Variants in SAXO5 observed in about 807,000 individuals in gnomAD.
The protein encoded by SAXO5 is stabilizer of axonemal microtubules 5, also known as testis expressed 45.
the SAXO5 span, chr19:7,499,860 C>G: frequency 6.6e-6 from 1 of 151,698 alleles, no homozygotes; most frequent in Non-Finnish European, 1.5e-5. Context: ...ACCTATAGTC[C>G]CAGATGCTCA....
chr19:7,508,368 A>C, the SAXO5 span: 1 of 1,613,746 alleles, frequency 6.2e-7, no homozygotes, highest in Non-Finnish European at 8.5e-7. Context: ...GCGCGGCTGC[A>C]GGGAGAAGAT....
the SAXO5 span, among the ~76,000 whole-genome samples, chr19:7,498,180 C>CACACAT: frequency 6.8e-3 from 1,005 of 147,614 alleles, 9 homozygotes; most frequent in African/African-American, 0.023. Context: ...TACACACACA[C>CACACAT]ACACACACAC....
At chr19:7,500,460 C>G in the SAXO5 span, among the ~76,000 whole-genome samples, 1 of 140,912 alleles carries the variant, frequency 7.1e-6, no homozygotes, top group African/African-American at 2.7e-5. Flanking sequence ...CACCACCACT[C>G]CAGGCTAATT....
At chr19:7,506,552 C>T in the SAXO5 span, 2 of 364,314 alleles carry the variant, frequency 5.5e-6, no homozygotes, top group African/African-American at 2.2e-5. Flanking sequence ...TGGCTCCGCC[C>T]CTGACCCGCT....
chr19:7,499,662 T>G, the SAXO5 span: 1 of 152,246 alleles, frequency 6.6e-6, no homozygotes, highest in South Asian at 2.1e-4. Flanking sequence ...CAATGTCTTT[T>G]GTGAAGCAGT....
At chr19:7,500,914 A>C in the SAXO5 span, 2 of 1,583,680 alleles carry the variant, frequency 1.3e-6, no homozygotes, top group Non-Finnish European at 8.5e-7. Context: ...CTGGGGCCTG[A>C]CCTGCGGCTG....
the SAXO5 span, chr19:7,506,520 C>T: frequency 2.6e-6 from 1 of 383,796 alleles, no homozygotes; most frequent in African/African-American, 2.1e-5. Context: ...CCAGTCTTAA[C>T]TCCTCTTCCA....
At chr19:7,501,923 G>A in the SAXO5 span, among the ~76,000 whole-genome samples, 57,362 of 146,948 alleles carry the variant, frequency 0.39, 11,510 homozygotes, top group African/African-American at 0.48. Flanking sequence ...GAGAGGAAGG[G>A]AGGGAGGGAG....
At chr19:7,504,096 C>CT in the SAXO5 span, 1 of 1,526,524 alleles carries the variant, frequency 6.6e-7, no homozygotes, top group Non-Finnish European at 9.1e-7. Flanking sequence ...CTCTCTCTCC[C>CT]CCCATCCCCC....
chr19:7,507,043 C>A, the SAXO5 span: 3 of 1,612,556 alleles, frequency 1.9e-6, no homozygotes, highest in Non-Finnish European at 8.5e-7. Flanking sequence ...GCCTCCCCAA[C>A]CTGAATCTCC....
the SAXO5 span, among the ~76,000 whole-genome samples, chr19:7,498,647 G>A: frequency 1.3e-5 from 2 of 152,016 alleles, no homozygotes; most frequent in South Asian, 2.1e-4. Flanking sequence ...TGCCCACCTC[G>A]GCCTCCCAAA....
chr19:7,508,326 G>A, the SAXO5 span: 5 of 1,613,874 alleles, frequency 3.1e-6, no homozygotes, highest in Non-Finnish European at 2.5e-6. Flanking sequence ...AAATCCTCAG[G>A]AGGGCTTCGT....
the SAXO5 span, chr19:7,505,991 C>T: frequency 1.2e-5 from 19 of 1,592,412 alleles, no homozygotes; most frequent in Middle Eastern, 3.3e-4. Flanking sequence ...GCCACCCAGC[C>T]GCCACGTGCC....
chr19:7,508,181 C>T, the SAXO5 span: 1 of 1,603,902 alleles, frequency 6.2e-7, no homozygotes, highest in Admixed American at 1.7e-5. Context: ...GCTGCCCTGC[C>T]AGGCTGTCCA....
chr19:7,505,365 A>T, the SAXO5 span: 1 of 1,614,190 alleles, frequency 6.2e-7, no homozygotes, highest in South Asian at 1.1e-5. Context: ...CACTGTGTAA[A>T]TATCCGTCCT....
chr19:7,500,213 C>T, the SAXO5 span, among the ~76,000 whole-genome samples: 1 of 152,084 alleles, frequency 6.6e-6, no homozygotes, highest in Non-Finnish European at 1.5e-5. Flanking sequence ...AGTTCCCCAC[C>T]CCTGCTGGCC....
the SAXO5 span, chr19:7,498,860 TC>T: frequency 6.6e-6 from 1 of 152,428 alleles, no homozygotes; most frequent in Admixed American, 6.6e-5. Flanking sequence ...GGCAAGAAAG[TC>T]CCAGGTGACT....
At chr19:7,508,230 C>T in the SAXO5 span, 1 of 1,613,870 alleles carries the variant, frequency 6.2e-7, no homozygotes, top group African/African-American at 1.3e-5. Flanking sequence ...CATGGAGCCC[C>T]CTCTGGGTGG....
the SAXO5 span, among the ~76,000 whole-genome samples, chr19:7,507,688 G>A: frequency 6.6e-6 from 1 of 152,016 alleles, no homozygotes; most frequent in Non-Finnish European, 1.5e-5. Flanking sequence ...TACCCAAGAC[G>A]AGGGTTAATT....
Sources: gnomAD v4.1 joint callset for allele counts (sites outside exome capture counted in the v4.1 genomes callset) on GRCh38, gnomAD v4.1.1 for gene constraint, MANE v1.5 for transcripts, NCBI Gene and HGNC (gene_info 2026-07-23, HGNC 2026-07-21) for gene names.